Variants in SGCD observed in about 807,000 individuals in gnomAD.
SGCD encodes sarcoglycan delta.
In SGCD, 18 loss-of-function variants were observed where a neutral mutation model predicts 36.6. The ratio of observed to expected loss-of-function variants is 0.49; its 90% CI spans 0.34 to 0.73. SGCD has a LOEUF of 0.73. Ranked by LOEUF, SGCD falls within the 30% of genes least tolerant of loss-of-function variation. SGCD has a pLI of 0.01. For synonymous variants in SGCD, 133 were observed against 130.6 expected (o/e 1.02, Z -0.12); for missense variants, 387 against 346.7 (o/e 1.12, Z -0.92).
rs538850712 is a variant in SGCD at position 156,049,039 on chromosome 5, A to T, written c.-281-68839A>T. 8.2e-4 allele frequency among the ~76,000 whole-genome samples: 120 copies of T among 146,852 alleles called. 17 individuals are homozygous for T. Among genetic ancestry groups the T allele is most frequent in the Non-Finnish European group, 3.1e-5 (2 of 65,050 alleles). On this transcript the variant is annotated intron_variant, in intron 1 of 9. Transcript: ENST00000517913. ...AAGGGATCCAGTTTCAGCTTTCTACATATGGCTAGCCAGTTTTCCCAGCAC... is the reference window on the plus strand; with the variant it reads ...AAGGGATCCAGTTTCAGCTTTCTACTTATGGCTAGCCAGTTTTCCCAGCAC...
chr5:156,176,327 T>A (rs926087357), intron 3 of SGCD, among the ~76,000 whole-genome samples: 7 of 152,196 alleles, frequency 4.6e-5, no homozygotes, highest in African/African-American at 1.7e-4. Flanking sequence ...TATTGGCTTA[T>A]AGGCTTCGTT....
chr5:156,671,355 C>A (rs2113658165), intron 7 of SGCD, among the ~76,000 whole-genome samples: 1 of 150,358 alleles, frequency 6.7e-6, no homozygotes, highest in Admixed American at 6.6e-5. Flanking sequence ...TCACTGCAAC[C>A]TCTGCCTCCT....
intron 1 of SGCD, among the ~76,000 whole-genome samples, chr5:155,930,971 T>G (rs1757087508): frequency 6.6e-6 from 1 of 152,174 alleles, no homozygotes; most frequent in African/African-American, 2.4e-5. Flanking sequence ...TTGAAGTTAC[T>G]CTTTTTTTTC....
chr5:156,304,667 G>A (rs1190189010), intron 3 of SGCD, among the ~76,000 whole-genome samples: 2 of 152,212 alleles, frequency 1.3e-5, no homozygotes, highest in Non-Finnish European at 2.9e-5. Context: ...TTGGAACTGG[G>A]TAACAGGCAG....
intron 4 of SGCD, among the ~76,000 whole-genome samples, chr5:156,546,325 C>G (rs994877704): frequency 1.3e-5 from 2 of 152,146 alleles, no homozygotes; most frequent in Non-Finnish European, 2.9e-5. Context: ...TTTCTTTCTT[C>G]TACTCTTCTG....
intron 3 of SGCD, among the ~76,000 whole-genome samples, chr5:156,149,649 G>A (rs1762786824): frequency 6.6e-6 from 1 of 151,984 alleles, no homozygotes; most frequent in South Asian, 2.1e-4. Flanking sequence ...ACTTATCATA[G>A]TTTCTATAAG....
intron 3 of SGCD, among the ~76,000 whole-genome samples, chr5:156,347,145 T>G (rs4345305): frequency 0.78 from 119,149 of 152,028 alleles, 47,338 homozygotes; most frequent in Middle Eastern, 0.92. Flanking sequence ...AAATGTTTAA[T>G]CAGGAGAGCA....
At chr5:156,698,639 G>A (rs968441377) in intron 7 of SGCD, among the ~76,000 whole-genome samples, 3 of 152,154 alleles carry the variant, frequency 2.0e-5, no homozygotes, top group African/African-American at 7.2e-5. Flanking sequence ...GTTGGAGGAT[G>A]ACTTGGAAAG....
At chr5:156,090,548 A>C (rs1761214685) in intron 1 of SGCD, among the ~76,000 whole-genome samples, 1 of 152,196 alleles carries the variant, frequency 6.6e-6, no homozygotes, top group Admixed American at 6.5e-5. Context: ...CAAGGGCAAA[A>C]TTAGAATTAC....
chr5:156,620,344 GA>G (rs1195462592), intron 6 of SGCD, among the ~76,000 whole-genome samples: 1 of 152,226 alleles, frequency 6.6e-6, no homozygotes, highest in Admixed American at 6.5e-5. Flanking sequence ...TCAGTGCAGA[GA>G]TGTAAGGACG....
At chr5:156,543,964 C>T (rs1386245803) in intron 4 of SGCD, among the ~76,000 whole-genome samples, 4 of 152,188 alleles carry the variant, frequency 2.6e-5, no homozygotes, top group African/African-American at 9.7e-5. Context: ...AACAGCATCT[C>T]TTCAGGAAGT....
intron 1 of SGCD, among the ~76,000 whole-genome samples, chr5:156,034,566 T>C (rs1236644864): frequency 4.6e-5 from 7 of 152,210 alleles, no homozygotes; most frequent in African/African-American, 1.7e-4. Context: ...GCACTTACTA[T>C]AATCAATTGT....
chr5:156,313,753 G>A (rs557150569), intron 3 of SGCD, among the ~76,000 whole-genome samples: 1 of 152,096 alleles, frequency 6.6e-6, no homozygotes, highest in East Asian at 1.9e-4. Context: ...GAAGTGGTAG[G>A]TATCTCCATT....
chr5:156,639,405 C>T (rs41074), intron 6 of SGCD, among the ~76,000 whole-genome samples: 12,280 of 152,244 alleles, frequency 0.081, 669 homozygotes, highest in Non-Finnish European at 0.12. Flanking sequence ...CAAACATCCA[C>T]ATTATGTATG....
chr5:156,102,487 C>T (rs917366596), intron 1 of SGCD, among the ~76,000 whole-genome samples: 65 of 152,214 alleles, frequency 4.3e-4, no homozygotes, highest in African/African-American at 1.4e-3. Context: ...GTTCCTTATT[C>T]GAAATGTCTG....
chr5:156,194,988 A>G (rs1763988876), intron 3 of SGCD, among the ~76,000 whole-genome samples: 1 of 152,220 alleles, frequency 6.6e-6, no homozygotes, highest in Admixed American at 6.5e-5. Context: ...ATGGTGATGA[A>G]TATAGTCATC....
At chr5:155,728,044 G>T in the SGCD span, among the ~76,000 whole-genome samples, 6 of 152,118 alleles carry the variant, frequency 3.9e-5, no homozygotes, top group Admixed American at 2.6e-4. Context: ...CCTCCGCTCT[G>T]CAAAGGGAGC....
chr5:155,738,960 A>C, the SGCD span, among the ~76,000 whole-genome samples: 1 of 151,992 alleles, frequency 6.6e-6, no homozygotes, highest in African/African-American at 2.4e-5. Flanking sequence ...AAAGAGAGAG[A>C]GAAAGAGAGA....
At chr5:155,982,495 T>G (rs1758248672) in intron 1 of SGCD, among the ~76,000 whole-genome samples, 1 of 152,194 alleles carries the variant, frequency 6.6e-6, no homozygotes, top group Non-Finnish European at 1.5e-5. Context: ...TTGTACTGCT[T>G]GGGCCAGTAG....
Sources: gnomAD v4.1 joint callset for allele counts (sites outside exome capture counted in the v4.1 genomes callset) on GRCh38, gnomAD v4.1.1 for gene constraint, MANE v1.5 for transcripts, NCBI Gene and HGNC (gene_info 2026-07-23, HGNC 2026-07-21) for gene names.